The following MACF1 variants were observed in gnomAD, a reference collection of about 807,000 sequenced individuals.
MACF1 encodes the protein microtubule-actin cross-linking factor 1.
A neutral mutation model predicts 854.8 loss-of-function variants in MACF1; 193 were observed. That is an observed-to-expected ratio of 0.23 (90% CI 0.20 to 0.25). The LOEUF (loss-of-function observed/expected upper bound fraction) is 0.25. MACF1 is among the 10% of genes least tolerant of loss of function. The pLI, the probability that MACF1 is intolerant of heterozygous loss-of-function variation, is 1.00. For synonymous variants in MACF1, 3,185 were observed against 3,226.7 expected (o/e 0.99, Z 0.44); for missense variants, 7,722 against 8,929.1 (o/e 0.86, Z 5.45).
intron 20 of MACF1, among the ~76,000 whole-genome samples, 193 bp from the exon 21 acceptor site, chr1:39,297,427 A>T (rs912230786): frequency 1.3e-5 from 2 of 152,164 alleles, no homozygotes; most frequent in Admixed American, 1.3e-4. Context: ...GGTAGTCAGC[A>T]CTAATATTTT....
chr1:39,394,954 G>T (rs962808434), intron 58 of MACF1, among the ~76,000 whole-genome samples: 4 of 151,970 alleles, frequency 2.6e-5, no homozygotes, highest in African/African-American at 7.3e-5. Context: ...GCCTGTCTTG[G>T]TTTTTTCCTT....
chr1:39,453,687 T>C lies in MACF1; in HGVS notation c.20743-20T>C. On this transcript the variant is annotated intron_variant, in intron 87 of 100. Transcript: ENST00000564288. ...AATGTAGACTTTTTACGTTTTTGTTTTCAAATCTTTTTTGTTTAGGAATTC... is the reference window on the plus strand; with the variant it reads ...AATGTAGACTTTTTACGTTTTTGTTCTCAAATCTTTTTTGTTTAGGAATTC... The C allele has an allele frequency of 1.2e-6, 2 of 1,613,114 alleles. No individual in the cohort carries two copies.
intron 58 of MACF1, chr1:39,410,355 C>G (rs1642932794): frequency 1.9e-6 from 3 of 1,613,956 alleles, no homozygotes; most frequent in East Asian, 2.2e-5. Context: ...ACATAGAGGA[C>G]TGCTATGTTC....
chr1:39,330,768 T>C lies in MACF1; in HGVS notation c.4615-435T>C, dbSNP rs146594018. On this transcript the variant is annotated intron_variant, in intron 36 of 100. Coordinates refer to ENST00000564288, the MANE Select transcript of MACF1 (RefSeq NM_001394062.1). ...TGTTGGGGCTTATCCCATGCTGGGT[T>C]TTCCTTGTGGTCAGAATTTTATATA... is the stretch of plus-strand genomic sequence containing the variant. Among the ~76,000 whole-genome samples the C allele has an allele frequency of 1.6e-4, 25 of 152,232 alleles. No individual in the cohort carries two copies. The East Asian group carries it at 4.6e-3, about 28-fold the overall frequency.
intron 65 of MACF1, 107 bp from the exon 66 acceptor site, chr1:39,430,595 C>T: frequency 1.2e-6 from 1 of 814,694 alleles, no homozygotes; most frequent in Non-Finnish European, 2.0e-6. Context: ...GGAAGGAGGT[C>T]AGAGTCCTGC....
rs374323559 is a variant in MACF1 at position 39,333,729 on chromosome 1, C to G, written c.7141C>G (p.Leu2381Val). ...TGTCTTAGACCCCCGTACCCAGACA[C>G]TGTGCTCTGTAAAGGATGCAGTTAC... ...SGVLDPRTQT[L>V]CSVKDAVTVG... Residue 2381 changes from leucine to valine, a missense_variant, in exon 37 of 101, where the codon CTG becomes GTG. This residue lies in a region of MACF1 where 1,531 missense variants were observed against 1,601.6 expected (regional missense o/e 0.96). Coordinates refer to ENST00000564288, the MANE Select transcript of MACF1 (RefSeq NM_001394062.1). The G allele has an allele frequency of 1.2e-6, 2 of 1,614,190 alleles. No individual in the cohort carries two copies.
intron 95 of MACF1, among the ~76,000 whole-genome samples, chr1:39,466,970 A>G (rs535622639): frequency 2.6e-5 from 4 of 152,214 alleles, no homozygotes; most frequent in Non-Finnish European, 5.9e-5. Flanking sequence ...AATTACCACA[A>G]GTATATTAAT....
Position 39,360,871 on chromosome 1 carries a change from A to C in MACF1, c.12323A>C (p.Gln4108Pro). The C allele has an allele frequency of 6.2e-7, 1 of 1,614,036 alleles. No homozygotes were observed. The highest frequency in any genetic ancestry group is 8.5e-7 in the Non-Finnish European group (1 of 1,180,018). ...TCTCTGCTGCAGAAAGCAATTGCCC[A>C]ATCTCAGAGTGTCCAGGAAAGCCTG... ...RSSLLQKAIAQSQSVQESLES... is the reference protein window; with the variant it reads ...RSSLLQKAIAPSQSVQESLES... The change falls in exon 48 of 101, where the codon CAA (glutamine) becomes CCA (proline). Residue 4108 changes from glutamine (Q) to proline (P), a missense_variant. Transcript: ENST00000564288.
intron 58 of MACF1, chr1:39,411,568 ACTG>A: frequency 6.2e-7 from 1 of 1,613,946 alleles, no homozygotes; most frequent in Non-Finnish European, 8.5e-7. Context: ...GGCAAACAGA[ACTG>A]CTCAGGGGTT....
intron 2 of MACF1, among the ~76,000 whole-genome samples, chr1:39,245,107 TA>T (rs1644967950): frequency 1.3e-5 from 2 of 152,196 alleles, no homozygotes; most frequent in Admixed American, 1.3e-4. Context: ...TTATAATATG[TA>T]CAAGTTTTGC....
At position 39,300,252 on chromosome 1, in the gene MACF1, A is replaced by G; in HGVS notation, c.2524A>G (p.Ser842Gly). The G allele has an allele frequency of 1.9e-6, 3 of 1,613,682 alleles. No individual in the cohort carries two copies. Among genetic ancestry groups the G allele is most frequent in the East Asian group, 2.2e-5 (1 of 44,868 alleles). ...QLIQSKSSVASLVGRSKTIVQ... is the reference protein window; with the variant it reads ...QLIQSKSSVAGLVGRSKTIVQ... ...TATACAGTCCAAGAGTTCCGTTGCC[A>G]GTCTCGTTGGGAGATCAAAAACCAT... is the stretch of plus-strand genomic sequence containing the variant. Residue 842 changes from serine to glycine, a missense_variant, in exon 22 of 101, where the codon AGT becomes GGT. Ser to Gly is a moderately conservative substitution (Grantham distance 56, BLOSUM62 0). Transcript: ENST00000564288.
chr1:39,109,276 T>C (rs1039954553), intron 2 of MACF1, among the ~76,000 whole-genome samples: 6 of 152,164 alleles, frequency 3.9e-5, no homozygotes, highest in Admixed American at 2.6e-4. Flanking sequence ...TTATTTTACT[T>C]TACTTTATTT....
At chr1:39,107,383 C>T (rs1005622772) in intron 2 of MACF1, among the ~76,000 whole-genome samples, 1 of 151,808 alleles carries the variant, frequency 6.6e-6, no homozygotes, top group African/African-American at 2.4e-5. Context: ...GGGCCTTGAT[C>T]AGGTGTATAG....
intron 1 of MACF1, among the ~76,000 whole-genome samples, chr1:39,225,096 A>G (rs1332228911): frequency 6.6e-6 from 1 of 152,106 alleles, no homozygotes; most frequent in East Asian, 1.9e-4. Flanking sequence ...AAGCAGGAGG[A>G]TTGCTTGAGC....
At chr1:39,150,689 C>T (rs1342609289) in intron 2 of MACF1, among the ~76,000 whole-genome samples, 3 of 152,160 alleles carry the variant, frequency 2.0e-5, no homozygotes, top group African/African-American at 7.2e-5. Flanking sequence ...CACCAGTCAC[C>T]TCCTAATTGC....
intron 2 of MACF1, among the ~76,000 whole-genome samples, chr1:39,246,551 C>G (rs751792350): frequency 6.6e-6 from 1 of 151,934 alleles, no homozygotes; most frequent in Non-Finnish European, 1.5e-5. Flanking sequence ...TCCTGTTGCC[C>G]GGGCTGGAGT....
rs1197525689 is a variant in MACF1 at position 39,434,512 on chromosome 1, G to A, written c.17664G>A (p.Gln5888=). ...AGCGGGCCCAGGTCTTAGTAAACCA[G>A]TTTTGGGAAACTTATGAAGAGCTCA... ...RLERAQVLVN[Q]FWETYEELSP... is the part of the protein sequence containing the mutation. Residue 5888 remains glutamine (Q), a synonymous_variant, in exon 69 of 101, where the codon CAG becomes CAA. Transcript: ENST00000564288. 1 of 1,613,634 alleles carries A rather than the reference G, an allele frequency of 6.2e-7. No homozygotes were observed. Among genetic ancestry groups the A allele is most frequent in the East Asian group, 2.2e-5 (1 of 44,852 alleles).
intron 15 of MACF1, 81 bp from the exon 16 acceptor site, chr1:39,291,829 C>A: frequency 6.9e-7 from 1 of 1,456,670 alleles, no homozygotes; most frequent in Non-Finnish European, 9.2e-7. Flanking sequence ...CCCCTTGGTT[C>A]CTTGTCCTAA....
intron 58 of MACF1, among the ~76,000 whole-genome samples, chr1:39,396,879 A>G (rs2148586233): frequency 6.6e-6 from 1 of 152,314 alleles, no homozygotes; most frequent in East Asian, 1.9e-4. Context: ...AAACCCAGCT[A>G]TGGGTAGAAT....
Sources: gnomAD v4.1 joint callset for allele counts (sites outside exome capture counted in the v4.1 genomes callset) on GRCh38, gnomAD v4.1.1 for gene constraint, gnomAD v4.1.1 regional missense constraint, MANE v1.5 for transcripts, NCBI Gene and HGNC (gene_info 2026-07-23, HGNC 2026-07-21) for gene names.